Variants in SLC26A7 observed in about 807,000 individuals in gnomAD.
The protein encoded by SLC26A7 is solute carrier family 26 member 7.
In SLC26A7, 59 loss-of-function variants were observed where a neutral mutation model predicts 82.5. That is an observed-to-expected ratio of 0.72 (90% confidence interval 0.58 to 0.89). The LOEUF is 0.89. Among genes scored for constraint, SLC26A7 ranks in the 40% least tolerant of loss-of-function variants. The pLI is 0.00. For synonymous variants in SLC26A7, 271 were observed against 274.3 expected (o/e 0.99, Z 0.12); for missense variants, 820 against 793.0 (o/e 1.03, Z -0.41).
chr8:91,244,484 A>AT (rs35235921), upstream of SLC26A7, among the ~76,000 whole-genome samples: 193 of 137,210 alleles, frequency 1.4e-3, 1 homozygote, highest in South Asian at 0.018. Context: ...TTCCCTAGGC[A>AT]TTTTTTTTTT....
At chr8:91,327,245 G>A (rs1488713913) in intron 5 of SLC26A7, among the ~76,000 whole-genome samples, 1 of 151,986 alleles carries the variant, frequency 6.6e-6, no homozygotes, top group African/African-American at 2.4e-5. Flanking sequence ...TGTGACTGAA[G>A]TTATCCATGT....
chr8:91,245,321 A>G (rs1810530349), upstream of SLC26A7, among the ~76,000 whole-genome samples: 1 of 152,156 alleles, frequency 6.6e-6, no homozygotes, highest in Admixed American at 6.5e-5. Flanking sequence ...AGGCCTTTTA[A>G]TTTTAGAAAT....
chr8:91,332,811 C>T (rs983349456), intron 5 of SLC26A7, among the ~76,000 whole-genome samples: 2 of 151,988 alleles, frequency 1.3e-5, no homozygotes, highest in Admixed American at 6.6e-5. Context: ...GGTGGTGAGC[C>T]ACCACACCCA....
chr8:91,288,610 C>T (rs945029794), intron 2 of SLC26A7, among the ~76,000 whole-genome samples: 8 of 94,648 alleles, frequency 8.5e-5, no homozygotes, highest in Admixed American at 4.5e-4. Context: ...GTTTATTCAT[C>T]GGCCCTACTG....
intron 2 of SLC26A7, among the ~76,000 whole-genome samples, chr8:91,238,542 T>C (rs1810423128): frequency 6.7e-6 from 1 of 149,010 alleles, no homozygotes; most frequent in South Asian, 2.1e-4. Flanking sequence ...TATATATATA[T>C]ATTTATATAT....
chr8:91,263,379 C>T (rs973808953), intron 2 of SLC26A7, among the ~76,000 whole-genome samples: 2 of 151,976 alleles, frequency 1.3e-5, no homozygotes, highest in African/African-American at 4.8e-5. Flanking sequence ...ATCATAGATA[C>T]AAGCACTTGC....
chr8:91,369,168 A>G (rs1192953190), intron 14 of SLC26A7, among the ~76,000 whole-genome samples: 1 of 152,240 alleles, frequency 6.6e-6, no homozygotes, highest in Non-Finnish European at 1.5e-5. Flanking sequence ...ATAAAAAATA[A>G]AATTTATAAC....
chr8:91,386,496 C>T (rs1316206401), intron 15 of SLC26A7, among the ~76,000 whole-genome samples: 2 of 152,026 alleles, frequency 1.3e-5, no homozygotes, highest in Admixed American at 6.5e-5. Context: ...AATTTGACAT[C>T]AATTTGTGTC....
At chr8:91,330,996 C>T (rs1171704784) in intron 5 of SLC26A7, among the ~76,000 whole-genome samples, 2 of 152,102 alleles carry the variant, frequency 1.3e-5, no homozygotes, top group Non-Finnish European at 2.9e-5. Context: ...CTTAAAGCCT[C>T]TCTCCTTGGC....
At chr8:91,353,343 T>A (rs1813773192) in intron 11 of SLC26A7, among the ~76,000 whole-genome samples, 1 of 152,150 alleles carries the variant, frequency 6.6e-6, no homozygotes, top group South Asian at 2.1e-4. Context: ...TATGGCAATT[T>A]ATAACCTTTA....
At chr8:91,333,765 T>A (rs1358234144) in intron 5 of SLC26A7, among the ~76,000 whole-genome samples, 2 of 152,178 alleles carry the variant, frequency 1.3e-5, no homozygotes, top group African/African-American at 4.8e-5. Context: ...GTGCTTGGTA[T>A]AAAGTAAGTG....
chr8:91,322,549 A>G (rs1261482001), intron 5 of SLC26A7, among the ~76,000 whole-genome samples: 3 of 152,202 alleles, frequency 2.0e-5, no homozygotes, highest in East Asian at 3.8e-4. Context: ...ATGATGAAGT[A>G]TCTTTTTATC....
chr8:91,393,828 A>T lies in SLC26A7; in HGVS notation c.1808A>T (p.Asp603Val), dbSNP rs994982913. 10 of 1,613,620 alleles carry T rather than the reference A, an allele frequency of 6.2e-6. No individual in the cohort carries two copies. The highest frequency in any genetic ancestry group is 5.3e-5 in the African/African-American group (4 of 75,008). The change falls in exon 17 of 19, where the codon GAT becomes GTT. Residue 603 changes from aspartate to valine, a missense_variant. Asp to Val is a radical substitution (Grantham distance 152). Coordinates refer to ENST00000276609, the MANE Select transcript of SLC26A7 (RefSeq NM_052832.4). The stretch of plus-strand genomic sequence containing the variant: ...ATGGACTGTAAAGGCAGGAGTGTGG[A>T]TGTATTGTTAGCCCATTGTACAGGT... ...VYMDCKGRSV[D>V]VLLAHCTASL... is the part of the protein sequence containing the mutation.
At chr8:91,394,754 TTTACTA>T (rs1321907771) in intron 18 of SLC26A7, 1 of 1,083,466 alleles carries the variant, frequency 9.2e-7, no homozygotes, top group African/African-American at 1.6e-5. Flanking sequence ...TTCTAAAAGC[TTTACTA>T]TGTTGTTTAA....
chr8:91,233,690 C>T (rs929179701), intron 2 of SLC26A7, among the ~76,000 whole-genome samples: 6 of 152,104 alleles, frequency 3.9e-5, no homozygotes, highest in Admixed American at 3.9e-4. Context: ...AGGTAAAGGC[C>T]CCAAGCAACT....
intron 2 of SLC26A7, among the ~76,000 whole-genome samples, chr8:91,224,096 C>T (rs1810200860): frequency 6.6e-6 from 1 of 151,992 alleles, no homozygotes; most frequent in Admixed American, 6.6e-5. Flanking sequence ...TATCAAGGTT[C>T]TTAGCTTCTT....
chr8:91,388,493 C>A (rs1008897269), intron 15 of SLC26A7, among the ~76,000 whole-genome samples: 4 of 152,052 alleles, frequency 2.6e-5, no homozygotes, highest in Admixed American at 6.6e-5. Flanking sequence ...TAAATGGCAA[C>A]GCTATTTAAA....
chr8:91,319,191 A>G (rs560747631), intron 5 of SLC26A7, among the ~76,000 whole-genome samples: 2 of 152,168 alleles, frequency 1.3e-5, no homozygotes, highest in Non-Finnish European at 2.9e-5. Context: ...TGTATTATAC[A>G]TGGCCCCGTG....
Position 91,366,488 on chromosome 8 carries a change from T to C in SLC26A7, c.1489-92T>C. The C allele has an allele frequency of 2.9e-6, 4 of 1,363,718 alleles. No individual in the cohort carries two copies. In the South Asian group the frequency reaches 5.3e-5, roughly 18 times the overall value. The allele number at this position is 1,363,718 out of a possible 1,614,324, so 84.5% of individuals were successfully genotyped here. A position where few individuals can be genotyped will look rare whatever the true frequency, so the allele number is the denominator to read the frequency against. On this transcript the variant is annotated intron_variant, in intron 13 of 18. Transcript: ENST00000276609. The stretch of plus-strand genomic sequence containing the variant: ...AGTAATAAAAATGTTAATTGAGAGA[T>C]TGCTTATAAAATTGAGTGACATTTA...
Sources: gnomAD v4.1 joint callset for allele counts (sites outside exome capture counted in the v4.1 genomes callset) on GRCh38, gnomAD v4.1.1 for gene constraint, MANE v1.5 for transcripts, NCBI Gene and HGNC (gene_info 2026-07-23, HGNC 2026-07-21) for gene names.